The following MYO9A variants were observed in gnomAD, a reference collection of about 807,000 sequenced individuals.
MYO9A encodes myosin IXA.
A neutral mutation model predicts 293.3 loss-of-function variants in MYO9A; 103 were observed. That is an observed-to-expected ratio of 0.35 (90% CI 0.30 to 0.41). The LOEUF is 0.41. Ranked by LOEUF, MYO9A falls within the 10% of genes least tolerant of loss-of-function variation. The pLI, the probability that MYO9A is intolerant of heterozygous loss-of-function variation, is 1.00. For synonymous variants in MYO9A, 1,001 were observed against 1,035.7 expected, an observed-to-expected ratio of 0.97 and a Z score of 0.64; for missense variants, 2,685 against 3,033.0, an observed-to-expected ratio of 0.89 and a Z score of 2.69.
rs1255705416 is a variant in MYO9A at position 71,982,138 on chromosome 15, C to A, written c.1723-3846G>T. On this transcript the variant is annotated intron_variant, in intron 11 of 41. Coordinates refer to ENST00000356056, the MANE Select transcript of MYO9A (RefSeq NM_006901.4). ...GGGTTCACACCATTCTCCTGCCTCACCCTCCTGAGTAGCTGGGACTACAGG... is the reference window on the plus strand; with the variant it reads ...GGGTTCACACCATTCTCCTGCCTCAACCTCCTGAGTAGCTGGGACTACAGG... Among the ~76,000 whole-genome samples, 3 of 149,606 alleles carry A rather than the reference C, an allele frequency of 2.0e-5. No homozygotes were observed. In the East Asian group the frequency reaches 5.9e-4, roughly 30 times the overall value.
intron 1 of MYO9A, among the ~76,000 whole-genome samples, chr15:72,111,428 G>C (rs2080775480): frequency 1.3e-5 from 2 of 151,288 alleles, no homozygotes; most frequent in Admixed American, 1.3e-4. Flanking sequence ...GGCAGAGGTT[G>C]CAGTGAGCCG....
chr15:71,856,546 A>G (rs1283414665), intron 34 of MYO9A, among the ~76,000 whole-genome samples: 1 of 152,146 alleles, frequency 6.6e-6, no homozygotes, highest in Non-Finnish European at 1.5e-5. Flanking sequence ...ATATAAAACT[A>G]CAAAGGTAGG....
chr15:71,888,634 T>A (rs951377554), intron 26 of MYO9A: 1 of 152,260 alleles, frequency 6.6e-6, no homozygotes, highest in African/African-American at 2.4e-5. Context: ...GTCTAAATTA[T>A]AAACAACTTA....
chr15:72,115,219 T>C (rs1277980348), intron 1 of MYO9A, among the ~76,000 whole-genome samples: 2 of 152,208 alleles, frequency 1.3e-5, no homozygotes, highest in Non-Finnish European at 2.9e-5. Context: ...ATGTTGGGTT[T>C]CCATCCTAAA....
At chr15:72,022,892 G>C (rs2077545905) in intron 4 of MYO9A, among the ~76,000 whole-genome samples, 2 of 151,958 alleles carry the variant, frequency 1.3e-5, no homozygotes, top group South Asian at 4.1e-4. Context: ...AAAATTATAA[G>C]GCATGCAAAG....
chr15:71,959,256 C>T (rs918389971), intron 14 of MYO9A: 13 of 152,190 alleles, frequency 8.5e-5, no homozygotes, highest in Non-Finnish European at 1.5e-4. Flanking sequence ...AATACACTCT[C>T]TCAAATATAT....
At chr15:71,974,531 C>CT (rs1027728456) in intron 12 of MYO9A, among the ~76,000 whole-genome samples, 1 of 152,132 alleles carries the variant, frequency 6.6e-6, no homozygotes, top group African/African-American at 2.4e-5. Flanking sequence ...AAAGAAAAAA[C>CT]TTTTTTTCTC....
Position 71,879,808 on chromosome 15 carries a change from C to T in MYO9A, c.5652G>A (p.Lys1884=). 6.2e-7 allele frequency: 1 copy of T among 1,613,144 alleles called. No homozygotes were observed. Among genetic ancestry groups the T allele is most frequent in the Non-Finnish European group, 8.5e-7 (1 of 1,179,418 alleles). Residue 1884 remains lysine, a synonymous_variant, in exon 30 of 42, where the codon AAG becomes AAA. Transcript: ENST00000356056. ...KVNDLDNEDS[K]KDTLVDVVFK... ...ATACAACATCCACTAGTGTATCCTT[C>T]TTGCTGTCTTCATTATCTAGGTCAT...
chr15:72,062,212 T>C (rs951957242), intron 1 of MYO9A, among the ~76,000 whole-genome samples: 9 of 152,104 alleles, frequency 5.9e-5, no homozygotes, highest in South Asian at 2.1e-4. Context: ...CTTTGAATAC[T>C]TGAAAACCTT....
chr15:71,866,189 C>G (rs1384660701), intron 32 of MYO9A, among the ~76,000 whole-genome samples: 2 of 152,120 alleles, frequency 1.3e-5, no homozygotes, highest in Admixed American at 6.5e-5. Context: ...GTTGTAATAT[C>G]ATAAAACCCC....
chr15:71,862,635 T>G, intron 32 of MYO9A, 24 bp from the exon 33 acceptor site: 1 of 1,504,200 alleles, frequency 6.6e-7, no homozygotes, highest in Non-Finnish European at 9.2e-7. Flanking sequence ...TTTAGCTACT[T>G]ATATTAAAGC....
At chr15:71,943,736 C>T (rs1439402237) in intron 15 of MYO9A, among the ~76,000 whole-genome samples, 1 of 152,092 alleles carries the variant, frequency 6.6e-6, no homozygotes, top group African/African-American at 2.4e-5. Context: ...TTGCTCTCCA[C>T]ACAGATTGGC....
intron 12 of MYO9A, 125 bp downstream of exon 12, chr15:71,978,046 T>TA: frequency 4.4e-6 from 5 of 1,132,960 alleles, no homozygotes; most frequent in Non-Finnish European, 6.3e-6. Flanking sequence ...CAAAAATAAA[T>TA]AAAAAAATAA....
At chr15:72,001,714 A>T (rs745540616) in intron 8 of MYO9A, among the ~76,000 whole-genome samples, 1 of 152,212 alleles carries the variant, frequency 6.6e-6, no homozygotes, top group Non-Finnish European at 1.5e-5. Context: ...AGCAAATATA[A>T]CACCTTTCAG....
intron 18 of MYO9A, among the ~76,000 whole-genome samples, chr15:71,928,847 C>T (rs1488072858): frequency 1.3e-5 from 2 of 150,570 alleles, no homozygotes; most frequent in African/African-American, 4.9e-5. Flanking sequence ...TCATTTGAGG[C>T]TAAGACTTTA....
At chr15:72,076,297 T>C (rs2079349258) in intron 1 of MYO9A, among the ~76,000 whole-genome samples, 1 of 142,550 alleles carries the variant, frequency 7.0e-6, no homozygotes, top group Non-Finnish European at 1.5e-5. Context: ...AGAGTGAGAC[T>C]CTGTCTCAAA....
intron 2 of MYO9A, among the ~76,000 whole-genome samples, chr15:72,044,864 C>G (rs2078336024): frequency 1.3e-5 from 2 of 152,160 alleles, no homozygotes; most frequent in Admixed American, 6.5e-5. Flanking sequence ...TATACAATGA[C>G]TACAGTCATC....
intron 15 of MYO9A, among the ~76,000 whole-genome samples, chr15:71,941,137 T>C (rs2058762854): frequency 6.6e-6 from 1 of 152,136 alleles, no homozygotes. Context: ...TGATCCCATT[T>C]AAAAATCATC....
rs899530215 is a variant in MYO9A, at chr15:71,825,560, T to G, written c.*1020A>C. 3.9e-5 allele frequency: 6 copies of G among 152,228 alleles called. No individual in the cohort carries two copies. The highest frequency in any genetic ancestry group is 1.4e-4 in the African/African-American group (6 of 41,460). The allele number at this position is 152,228 out of a possible 1,614,324, so 9.4% of individuals were successfully genotyped here. A position where few individuals can be genotyped will look rare whatever the true frequency, so the allele number is the denominator to read the frequency against. Reference sequence around the variant, plus strand: ...CACTTACTTACTTATTCATGCAATATTGTATGTGAATGTTTTTGGAAACTA... The same window carrying G: ...CACTTACTTACTTATTCATGCAATAGTGTATGTGAATGTTTTTGGAAACTA... On this transcript the variant is annotated 3_prime_UTR_variant, in exon 42 of 42. Transcript: ENST00000356056.
Sources: allele counts gnomAD v4.1 joint callset (sites outside exome capture counted in the v4.1 genomes callset), GRCh38; gene constraint gnomAD v4.1.1; transcripts MANE v1.5; gene names NCBI Gene and HGNC (gene_info 2026-07-23, HGNC 2026-07-21).